PSMA1: variants seen among roughly 807,000 people sequenced by gnomAD.
The protein encoded by PSMA1 is proteasome 20S subunit alpha 1.
Under a neutral mutation model 38.4 loss-of-function variants are expected in PSMA1, and 3 were observed. The ratio of observed to expected loss-of-function variants is 0.08; its 90% CI spans 0.04 to 0.20. PSMA1 has a LOEUF of 0.20. PSMA1 is among the 10% of genes least tolerant of loss of function. The probability of loss-of-function intolerance (pLI) is 1.00; values close to 1 mark genes in which losing one functional copy is unlikely to be tolerated. For missense variants in PSMA1, 227 were observed against 325.3 expected, an observed-to-expected ratio of 0.70 and a Z score of 2.32; for synonymous variants, 101 against 107.1, an observed-to-expected ratio of 0.94 and a Z score of 0.35.
At chr11:14,559,957 G>T (rs892713858) in intron 2 of PSMA1, among the ~76,000 whole-genome samples, 1 of 152,120 alleles carries the variant, frequency 6.6e-6, no homozygotes, top group East Asian at 1.9e-4. Context: ...AGGTCTCTTG[G>T]CCAATCCTAC....
At chr11:14,567,302 G>A (rs1432070796) in intron 2 of PSMA1, among the ~76,000 whole-genome samples, 2 of 152,196 alleles carry the variant, frequency 1.3e-5, no homozygotes, top group Non-Finnish European at 2.9e-5. Flanking sequence ...AGTGTGAGTA[G>A]TTTTTGGTCT....
At chr11:14,550,934 T>C (rs190550081) in intron 2 of PSMA1, among the ~76,000 whole-genome samples, 1 of 152,278 alleles carries the variant, frequency 6.6e-6, no homozygotes, top group Admixed American at 6.5e-5. Context: ...ATTATTTCTA[T>C]GCAAAGAGTG....
chr11:14,598,319 T>C (rs187288210), intron 2 of PSMA1, among the ~76,000 whole-genome samples: 42 of 152,248 alleles, frequency 2.8e-4, no homozygotes, highest in Non-Finnish European at 1.0e-4. Flanking sequence ...CTTTCTGTTT[T>C]GTTGATCTGT....
intron 2 of PSMA1, among the ~76,000 whole-genome samples, chr11:14,587,012 G>A (rs373418159): frequency 2.0e-5 from 3 of 151,928 alleles, no homozygotes; most frequent in Non-Finnish European, 2.9e-5. Context: ...CGCCTGCCTC[G>A]GCCTCTCAAT....
intron 2 of PSMA1, among the ~76,000 whole-genome samples, chr11:14,549,197 T>G (rs1851859523): frequency 6.6e-6 from 1 of 152,226 alleles, no homozygotes; most frequent in Non-Finnish European, 1.5e-5. Flanking sequence ...GGGACCTGCA[T>G]GACTTTTTTG....
intron 2 of PSMA1, among the ~76,000 whole-genome samples, chr11:14,550,778 T>C: frequency 6.6e-6 from 1 of 152,230 alleles, no homozygotes; most frequent in South Asian, 2.1e-4. Context: ...TTATTATTAA[T>C]TATATTTTCT....
chr11:14,522,326 T>C (rs965975943), upstream of PSMA1, among the ~76,000 whole-genome samples: 17 of 152,234 alleles, frequency 1.1e-4, no homozygotes, highest in Non-Finnish European at 4.4e-5. Context: ...AATACTATAA[T>C]GAATATTCTT....
chr11:14,604,515 A>G (rs761552083), intron 2 of PSMA1, among the ~76,000 whole-genome samples: 5 of 152,208 alleles, frequency 3.3e-5, no homozygotes, highest in Admixed American at 6.5e-5. Flanking sequence ...CATGAGAAAA[A>G]AAGGTAGTTA....
At chr11:14,588,267 A>C (rs1852372264) in intron 2 of PSMA1, among the ~76,000 whole-genome samples, 1 of 152,260 alleles carries the variant, frequency 6.6e-6, no homozygotes, top group South Asian at 2.1e-4. Flanking sequence ...AATGAGGGAA[A>C]GAAGAATTTG....
At chr11:14,535,444 C>CTTT (rs766986230) in intron 2 of PSMA1, among the ~76,000 whole-genome samples, 1 of 135,874 alleles carries the variant, frequency 7.4e-6, no homozygotes. Flanking sequence ...TTCTTTCTTT[C>CTTT]TTTTTTTTTT....
chr11:14,529,212 A>C (rs573283662), intron 2 of PSMA1, among the ~76,000 whole-genome samples: 67 of 152,292 alleles, frequency 4.4e-4, no homozygotes, highest in African/African-American at 1.5e-3. Flanking sequence ...AATAAGAGCC[A>C]AGTTGAAAAT....
upstream of PSMA1, chr11:14,520,582 C>G (rs1376128304): frequency 1.1e-6 from 1 of 944,392 alleles, no homozygotes; most frequent in Non-Finnish European, 1.5e-6. Flanking sequence ...GCGGGGCAGC[C>G]CCTGTCACGT....
chr11:14,547,918 G>T (rs1318878506), intron 2 of PSMA1, among the ~76,000 whole-genome samples: 4 of 152,106 alleles, frequency 2.6e-5, no homozygotes, highest in Non-Finnish European at 5.9e-5. Context: ...GCAAATGGGA[G>T]GAGGAGGGAG....
At chr11:14,578,539 T>G (rs1039384921) in intron 2 of PSMA1, among the ~76,000 whole-genome samples, 1 of 152,190 alleles carries the variant, frequency 6.6e-6, no homozygotes, top group Non-Finnish European at 1.5e-5. Flanking sequence ...GGGCAGCAGT[T>G]TGCAACTCAT....
intron 2 of PSMA1, among the ~76,000 whole-genome samples, chr11:14,528,111 A>T (rs369172273): frequency 6.6e-6 from 1 of 151,514 alleles, no homozygotes; most frequent in African/African-American, 2.4e-5. Context: ...AAAAAAAAAA[A>T]GGGGGAGGGA....
chr11:14,631,374 C>T (rs1185997392), intron 1 of PSMA1, among the ~76,000 whole-genome samples: 2 of 152,052 alleles, frequency 1.3e-5, no homozygotes, highest in Non-Finnish European at 1.5e-5. Flanking sequence ...TGTCTTTGTT[C>T]TCGTTGGTTT....
intron 2 of PSMA1, among the ~76,000 whole-genome samples, chr11:14,527,596 G>A (rs372922094): frequency 2.0e-4 from 30 of 152,202 alleles, no homozygotes; most frequent in Admixed American, 1.0e-3. Flanking sequence ...ATTTGCCCCC[G>A]CCCAGGACTG....
upstream of PSMA1, among the ~76,000 whole-genome samples, chr11:14,521,910 T>C (rs556309165): frequency 5.3e-5 from 8 of 152,334 alleles, no homozygotes; most frequent in African/African-American, 1.9e-4. Context: ...CACTGTTGAT[T>C]TGGTGGACTA....
chr11:14,520,620 G>T, upstream of PSMA1: 1 of 612,790 alleles, frequency 1.6e-6, no homozygotes. Context: ...GTGTATGGCG[G>T]ATTCCCTCCA....
Sources: gnomAD v4.1 joint callset for allele counts (sites outside exome capture counted in the v4.1 genomes callset) on GRCh38, gnomAD v4.1.1 for gene constraint, MANE v1.5 for transcripts, NCBI Gene and HGNC (gene_info 2026-07-23, HGNC 2026-07-21) for gene names.